Variants in ANKS1B observed in about 807,000 individuals in gnomAD.
ANKS1B encodes ankyrin repeat and sterile alpha motif domain containing 1B, also known as ankyrin repeat and sterile alpha motif domain-containing protein 1B.
ANKS1B carries 36 observed loss-of-function variants against 148.3 expected under a neutral mutation model. The observed-to-expected ratio is 0.24, with a 90% CI of 0.19 to 0.32. ANKS1B has a LOEUF of 0.32. Ranked by LOEUF, ANKS1B falls within the 10% of genes least tolerant of loss-of-function variation. The probability of loss-of-function intolerance (pLI) is 1.00; values close to 1 mark genes in which losing one functional copy is unlikely to be tolerated. For synonymous variants in ANKS1B, 542 were observed against 560.8 expected, an observed-to-expected ratio of 0.97 and a Z score of 0.47; for missense variants, 1,157 against 1,542.6, an observed-to-expected ratio of 0.75 and a Z score of 4.19.
At chr12:98,861,432 G>C (rs2099598751) in intron 17 of ANKS1B, among the ~76,000 whole-genome samples, 1 of 152,228 alleles carries the variant, frequency 6.6e-6, no homozygotes, top group Admixed American at 6.5e-5. Context: ...AATGGCTCCA[G>C]ATGGCTCTCC....
intron 14 of ANKS1B, among the ~76,000 whole-genome samples, chr12:99,201,137 A>G (rs985608968): frequency 1.3e-5 from 2 of 152,162 alleles, no homozygotes; most frequent in Non-Finnish European, 2.9e-5. Flanking sequence ...GTGGCAGGAA[A>G]TAAGCAAGAG....
At chr12:99,721,881 C>A (rs189926358) in intron 8 of ANKS1B, among the ~76,000 whole-genome samples, 1 of 152,154 alleles carries the variant, frequency 6.6e-6, no homozygotes, top group Non-Finnish European at 1.5e-5. Flanking sequence ...ATTAAAAGTG[C>A]GACTCCAGTG....
Position 98,946,895 on chromosome 12 carries a change from G to A in ANKS1B, c.2778+106262C>T, listed in dbSNP as rs192818890. On this transcript the variant is annotated intron_variant, in intron 17 of 26. Transcript: ENST00000683438. ...TTCGAGACGGCAGTGAGCTATGATT[G>A]AGCCACTGCACTCCAGCCTGGGTGA... 4.6e-3 allele frequency among the ~76,000 whole-genome samples: 589 copies of A among 127,866 alleles called. 7 individuals are homozygous for A. Among genetic ancestry groups the A allele is most frequent in the African/African-American group, 0.017 (565 of 34,160 alleles). 83.9% of individuals were successfully genotyped at this position (127,866 alleles called of 152,430 possible). A position where few individuals can be genotyped will look rare whatever the true frequency, so the allele number is the denominator to read the frequency against.
chr12:98,938,906 G>C (rs2153002874), intron 17 of ANKS1B, among the ~76,000 whole-genome samples: 1 of 152,344 alleles, frequency 6.6e-6, no homozygotes, highest in East Asian at 1.9e-4. Flanking sequence ...GCCTTGGTGA[G>C]AAGGCAGTGG....
downstream of ANKS1B, among the ~76,000 whole-genome samples, chr12:98,742,235 G>A (rs2097804083): frequency 6.6e-6 from 1 of 152,198 alleles, no homozygotes; most frequent in Non-Finnish European, 1.5e-5. Flanking sequence ...CTTCCGCCGG[G>A]GTGACCCCAT....
intron 12 of ANKS1B, among the ~76,000 whole-genome samples, chr12:99,258,610 G>GTTTTTTTTTTTT (rs56955440): frequency 7.4e-6 from 1 of 134,800 alleles, no homozygotes; most frequent in African/African-American, 2.7e-5. Flanking sequence ...TTATCCACTT[G>GTTTTTTTTTTTT]TTTTTTTTTT....
chr12:99,969,074 C>G (rs929709125), intron 1 of ANKS1B, among the ~76,000 whole-genome samples: 10 of 152,184 alleles, frequency 6.6e-5, no homozygotes, highest in African/African-American at 2.2e-4. Context: ...ACTCGCCCAT[C>G]TGGAAACATG....
intron 12 of ANKS1B, among the ~76,000 whole-genome samples, chr12:99,357,018 T>G (rs1395493667): frequency 6.6e-6 from 1 of 151,890 alleles, no homozygotes; most frequent in Non-Finnish European, 1.5e-5. Flanking sequence ...AATTGTTAGG[T>G]GTACAGTGAC....
chr12:99,855,978 A>G (rs2088962107), intron 1 of ANKS1B, among the ~76,000 whole-genome samples: 2 of 152,128 alleles, frequency 1.3e-5, no homozygotes, highest in Non-Finnish European at 2.9e-5. Context: ...GCACAAATAG[A>G]CAATCTAAGG....
chr12:99,217,128 C>A (rs1220248560), intron 14 of ANKS1B, among the ~76,000 whole-genome samples: 1 of 152,124 alleles, frequency 6.6e-6, no homozygotes, highest in African/African-American at 2.4e-5. Context: ...GAGAGATAAG[C>A]AAATTTTTAT....
intron 16 of ANKS1B, among the ~76,000 whole-genome samples, chr12:99,082,816 A>G (rs548059532): frequency 2.4e-3 from 373 of 152,292 alleles, no homozygotes; most frequent in African/African-American, 8.5e-3. Flanking sequence ...TGAACTTTAA[A>G]TGAATGGCAG....
chr12:99,098,341 G>A (rs894471712), intron 15 of ANKS1B, among the ~76,000 whole-genome samples: 2 of 152,098 alleles, frequency 1.3e-5, no homozygotes, highest in Non-Finnish European at 2.9e-5. Flanking sequence ...TTCTCTGCCA[G>A]CCCAGTCGTC....
intron 1 of ANKS1B, among the ~76,000 whole-genome samples, chr12:99,924,579 T>C (rs1417987059): frequency 1.3e-5 from 2 of 152,204 alleles, no homozygotes; most frequent in African/African-American, 4.8e-5. Flanking sequence ...CCCAAGATAA[T>C]GGTATTAAGA....
chr12:99,616,656 A>T (rs1417221097), intron 9 of ANKS1B, among the ~76,000 whole-genome samples: 3 of 152,230 alleles, frequency 2.0e-5, no homozygotes, highest in African/African-American at 7.2e-5. Context: ...TGGATTAAAG[A>T]CTTAAATGTA....
intron 17 of ANKS1B, among the ~76,000 whole-genome samples, chr12:98,948,950 T>TTTTTTTTTTTTG (rs2099849871): frequency 8.3e-6 from 1 of 120,458 alleles, no homozygotes; most frequent in Non-Finnish European, 1.6e-5. Flanking sequence ...TGAGCTACTT[T>TTTTTTTTTTTTG]TTTTTTTTTT....
In ANKS1B at chr12:99,290,049, A is replaced by G. The variant is rs192587352; in HGVS notation, c.1757-43185T>C. 1.9e-3 allele frequency among the ~76,000 whole-genome samples: 288 copies of G among 151,914 alleles called. 5 individuals carry two copies. Among genetic ancestry groups the G allele is most frequent in the Middle Eastern group, 3.4e-3 (1 of 292 alleles). Reference sequence around the variant, plus strand: ...TAGCCAGACTAAGAAAAAAACTAAAAAGGCCTAAATACAATCAGAGGTGAA... The same window carrying G: ...TAGCCAGACTAAGAAAAAAACTAAAGAGGCCTAAATACAATCAGAGGTGAA... On this transcript the variant is annotated intron_variant, in intron 12 of 26. Transcript: ENST00000683438.
chr12:99,166,224 ATTCTCAACAC>A (rs2077173546), intron 14 of ANKS1B, among the ~76,000 whole-genome samples: 1 of 151,740 alleles, frequency 6.6e-6, no homozygotes, highest in African/African-American at 2.4e-5. Flanking sequence ...AAGGATGTCC[ATTCTCAACAC>A]TTCTACCCAA....
intron 1 of ANKS1B, among the ~76,000 whole-genome samples, chr12:99,871,844 T>C (rs2091554996): frequency 6.6e-6 from 1 of 152,186 alleles, no homozygotes. Flanking sequence ...TATAGAATCA[T>C]ATCACCAGCA....
intron 11 of ANKS1B, among the ~76,000 whole-genome samples, chr12:99,422,937 T>C (rs1408130259): frequency 6.6e-6 from 1 of 152,206 alleles, no homozygotes; most frequent in Non-Finnish European, 1.5e-5. Flanking sequence ...GAGGAATGCC[T>C]TCAGTTTAAT....
Sources: gnomAD v4.1 joint callset for allele counts (sites outside exome capture counted in the v4.1 genomes callset) on GRCh38, gnomAD v4.1.1 for gene constraint, MANE v1.5 for transcripts, NCBI Gene and HGNC (gene_info 2026-07-23, HGNC 2026-07-21) for gene names.